TACC2: variants seen among roughly 807,000 people sequenced by gnomAD.
TACC2 encodes the protein transforming acidic coiled-coil-containing protein 2.
TACC2 carries 137 observed loss-of-function variants against 227.3 expected under a neutral mutation model. That is an observed-to-expected ratio of 0.60 (90% confidence interval 0.52 to 0.69). The LOEUF is 0.69. Among genes scored for constraint, TACC2 ranks in the 30% least tolerant of loss-of-function variants. The pLI is 0.00. For missense variants in TACC2, 3,470 were observed against 3,694.4 expected, an observed-to-expected ratio of 0.94 and a Z score of 1.57; for synonymous variants, 1,523 against 1,487.5, an observed-to-expected ratio of 1.02 and a Z score of -0.55.
chr10:122,170,141 T>C (rs2093393753), intron 7 of TACC2, among the ~76,000 whole-genome samples: 1 of 152,078 alleles, frequency 6.6e-6, no homozygotes, highest in Admixed American at 6.6e-5. Flanking sequence ...GATGACCATC[T>C]TCCTCTTAAA....
rs2094518887 is a variant in TACC2 at position 122,194,997 on chromosome 10, C to T, written c.5835-43C>T. ...GGCCACACCGGCTCAGCAGAACTGG[C>T]TCTGGGCCCCTGTCTAACCTGTGCT... On this transcript the variant is annotated intron_variant, in intron 7 of 22. Transcript: ENST00000369005. The surrounding 1 kb of genome is among the most constrained non-coding windows in gnomAD (Gnocchi z 4.4). The T allele has an allele frequency of 1.3e-6, 2 of 1,566,266 alleles. No individual in the cohort carries two copies. The highest frequency in any genetic ancestry group is 1.8e-5 in the Admixed American group (1 of 56,294).
chr10:122,220,279 C>T (rs1269195963), intron 11 of TACC2, among the ~76,000 whole-genome samples: 1 of 152,084 alleles, frequency 6.6e-6, no homozygotes, highest in Non-Finnish European at 1.5e-5. Context: ...ACATATTTGA[C>T]AGTTGTTTTT....
At chr10:122,082,139 C>A (rs1015927958) in intron 3 of TACC2, among the ~76,000 whole-genome samples, 1 of 152,166 alleles carries the variant, frequency 6.6e-6, no homozygotes, top group African/African-American at 2.4e-5. Context: ...AAGACCCCAT[C>A]TCTACAAAAA....
chr10:122,176,029 G>A (rs376290355), intron 7 of TACC2, among the ~76,000 whole-genome samples: 1 of 150,380 alleles, frequency 6.6e-6, no homozygotes, highest in African/African-American at 2.4e-5. Flanking sequence ...GCAGTGAGTC[G>A]TGTTTGCACC....
chr10:121,995,728 G>T (rs1953383570), intron 1 of TACC2, among the ~76,000 whole-genome samples: 1 of 152,100 alleles, frequency 6.6e-6, no homozygotes, highest in Admixed American at 6.6e-5. Flanking sequence ...CATGGCAAGA[G>T]ACAGAGCAAG....
At chr10:122,031,429 GAGTCTCGCTCTGTC>G (rs1434828296) in intron 2 of TACC2, among the ~76,000 whole-genome samples, 19 of 127,958 alleles carry the variant, frequency 1.5e-4, no homozygotes, top group Admixed American at 1.9e-4. Context: ...TTTTGAGATG[GAGTCTCGCTCTGTC>G]ACCCAGGCTG....
chr10:122,060,343 G>T (rs2076660009), intron 3 of TACC2, among the ~76,000 whole-genome samples: 1 of 152,220 alleles, frequency 6.6e-6, no homozygotes, highest in Non-Finnish European at 1.5e-5. Context: ...CAAGCAAGAT[G>T]TGGTACCTGG....
intron 5 of TACC2, among the ~76,000 whole-genome samples, chr10:122,115,808 G>T (rs746511444): frequency 6.6e-6 from 1 of 152,028 alleles, no homozygotes; most frequent in African/African-American, 2.4e-5. Context: ...AAAGCGAAGC[G>T]TTCTTGGATT....
At chr10:122,093,387 C>A (rs558992972) in intron 5 of TACC2, among the ~76,000 whole-genome samples, 2 of 152,132 alleles carry the variant, frequency 1.3e-5, no homozygotes, top group African/African-American at 4.8e-5. Context: ...CCCTCCACTC[C>A]GTTCTAAAAT....
intron 3 of TACC2, among the ~76,000 whole-genome samples, chr10:122,055,944 A>G (rs569414562): frequency 3.3e-5 from 5 of 152,334 alleles, no homozygotes; most frequent in African/African-American, 1.2e-4. Context: ...TGCAAGGTCT[A>G]GTAGAATCCT....
intron 18 of TACC2, among the ~76,000 whole-genome samples, chr10:122,241,302 T>C (rs1268891516): frequency 6.6e-6 from 1 of 152,138 alleles, no homozygotes; most frequent in African/African-American, 2.4e-5. Flanking sequence ...AATTTTTAAA[T>C]TTTTTTAGAG....
chr10:122,042,074 T>C (rs2074358276), intron 2 of TACC2, among the ~76,000 whole-genome samples: 4 of 151,910 alleles, frequency 2.6e-5, no homozygotes, highest in Admixed American at 2.6e-4. Flanking sequence ...GCCTCCCGAG[T>C]AGCTGGGACC....
intron 18 of TACC2, among the ~76,000 whole-genome samples, chr10:122,239,264 C>T (rs2095930794): frequency 6.6e-6 from 1 of 152,232 alleles, no homozygotes; most frequent in Non-Finnish European, 1.5e-5. Flanking sequence ...CTGCCTTGGC[C>T]TCCCAAAGTT....
chr10:122,033,100 G>A (rs1162984295), intron 2 of TACC2: 2 of 1,289,222 alleles, frequency 1.6e-6, no homozygotes, highest in African/African-American at 3.0e-5. Context: ...TCAGCAGGAG[G>A]ACTCCGTCTT....
chr10:122,108,843 C>T (rs557819902), intron 5 of TACC2, among the ~76,000 whole-genome samples: 2 of 152,220 alleles, frequency 1.3e-5, no homozygotes, highest in East Asian at 1.9e-4. Flanking sequence ...AAGTGATTCT[C>T]CTACCTCAGC....
chr10:122,117,355 G>A (rs1056753146), intron 5 of TACC2, among the ~76,000 whole-genome samples: 2 of 151,724 alleles, frequency 1.3e-5, no homozygotes, highest in Non-Finnish European at 2.9e-5. Flanking sequence ...CACCATGCCC[G>A]GCTAATTTTT....
Position 122,216,648 on chromosome 10 carries a change from C to T in TACC2, c.7366C>T (p.Pro2456Ser), listed in dbSNP as rs2095413087. The T allele has an allele frequency of 5.0e-6, 8 of 1,613,884 alleles. No individual in the cohort carries two copies. The highest frequency in any genetic ancestry group is 6.8e-6 in the Non-Finnish European group (8 of 1,179,978). The change falls in exon 11 of 23, where the codon CCA becomes TCA. Residue 2456 changes from proline to serine, a missense_variant. Physicochemically the swap from Pro to Ser is moderately conservative, Grantham distance 74 (BLOSUM62 -1). Transcript: ENST00000369005. ...PSQDPTPAATPETPPVISAVV... is the reference protein window; with the variant it reads ...PSQDPTPAATSETPPVISAVV... ...GCAGGACCCCACCCCAGCTGCTACACCAGAAACACCACCAGTGATCTCTGC... is the reference window on the plus strand; with the variant it reads ...GCAGGACCCCACCCCAGCTGCTACATCAGAAACACCACCAGTGATCTCTGC...
At chr10:122,124,033 C>G (rs181503025) in intron 5 of TACC2, among the ~76,000 whole-genome samples, 1 of 151,964 alleles carries the variant, frequency 6.6e-6, no homozygotes, top group South Asian at 2.1e-4. Flanking sequence ...AGGCTGGTCT[C>G]GAACTCCTGG....
intron 6 of TACC2, among the ~76,000 whole-genome samples, chr10:122,138,465 G>A (rs536927197): frequency 1.3e-5 from 2 of 151,846 alleles, no homozygotes; most frequent in Non-Finnish European, 2.9e-5. Context: ...AGCCGAGATC[G>A]TGCCATTGTA....
Sources: allele counts gnomAD v4.1 joint callset (sites outside exome capture counted in the v4.1 genomes callset), GRCh38; gene constraint gnomAD v4.1.1; non-coding constraint Gnocchi (gnomAD v3.1); transcripts MANE v1.5; gene names NCBI Gene and HGNC (gene_info 2026-07-23, HGNC 2026-07-21).